The following KPNA7 variants were observed in gnomAD, a reference collection of about 807,000 sequenced individuals.
KPNA7 encodes importin subunit alpha-8.
Under a neutral mutation model 53.7 loss-of-function variants are expected in KPNA7, and 54 were observed. That is an observed-to-expected ratio of 1.01 (90% CI 0.81 to 1.26). The LOEUF (loss-of-function observed/expected upper bound fraction) is 1.26, where lower values mean the gene tolerates loss of function less well. Ranked by LOEUF, KPNA7 falls within the 50% of genes most tolerant of loss-of-function variation. KPNA7 has a pLI of 0.00. For missense variants in KPNA7, 640 were observed against 644.5 expected (o/e 0.99, Z 0.07); for synonymous variants, 276 against 259.3 (o/e 1.06, Z -0.62).
At chr7:99,173,199 A>C (rs1001403093), downstream of KPNA7, among the ~76,000 whole-genome samples, 1 of 149,672 alleles carries the variant, frequency 6.7e-6, no homozygotes, top group African/African-American at 2.5e-5. Flanking sequence ...ATTTTTTATT[A>C]TTTTTTTTGA....
downstream of KPNA7, chr7:99,173,526 G>T (rs766445313): frequency 7.5e-6 from 4 of 532,938 alleles, no homozygotes; most frequent in East Asian, 1.3e-4. Flanking sequence ...AATTCCACAT[G>T]GTTTTAAGAT....
At chr7:99,190,954 T>C in intron 6 of KPNA7, among the ~76,000 whole-genome samples, 1 of 152,060 alleles carries the variant, frequency 6.6e-6, no homozygotes, top group East Asian at 1.9e-4. Context: ...GCTGCAATGG[T>C]GTCTCCAACT....
the KPNA7 span, among the ~76,000 whole-genome samples, chr7:99,161,880 A>G: frequency 6.6e-6 from 1 of 152,144 alleles, no homozygotes; most frequent in Non-Finnish European, 1.5e-5. Context: ...GAAAAAGAGT[A>G]GAACTGACCC....
intron 10 of KPNA7, among the ~76,000 whole-genome samples, chr7:99,175,501 A>ATTTAT (rs1798866941): frequency 7.4e-6 from 1 of 135,344 alleles, no homozygotes; most frequent in African/African-American, 2.6e-5. Context: ...TTATTTATTT[A>ATTTAT]TTTATTTATT....
At chr7:99,176,426 C>G (rs1798910591) in intron 10 of KPNA7, among the ~76,000 whole-genome samples, 1 of 151,440 alleles carries the variant, frequency 6.6e-6, no homozygotes. Context: ...TAGAAAATAA[C>G]AAGTGTCGGC....
intron 3 of KPNA7, among the ~76,000 whole-genome samples, 156 bp from the exon 4 acceptor site, chr7:99,196,322 C>T (rs184924580): frequency 1.5e-3 from 235 of 152,220 alleles, no homozygotes; most frequent in Non-Finnish European, 1.4e-3. Flanking sequence ...AGAATATAGT[C>T]CACAGATCTC....
At chr7:99,181,785 G>A (rs1799282218) in intron 9 of KPNA7, 98 bp downstream of exon 9, 23 of 1,095,276 alleles carry the variant, frequency 2.1e-5, no homozygotes, top group Non-Finnish European at 2.8e-5. Flanking sequence ...ACCTGTCTCA[G>A]CCTCCCAAAG....
the KPNA7 span, among the ~76,000 whole-genome samples, chr7:99,157,007 C>T: frequency 2.7e-5 from 4 of 148,002 alleles, no homozygotes; most frequent in African/African-American, 7.3e-5. Flanking sequence ...GATTTATCTT[C>T]AAACCTTTCT....
intron 10 of KPNA7, among the ~76,000 whole-genome samples, chr7:99,175,092 T>C (rs12216547): frequency 0.023 from 3,500 of 151,890 alleles, 134 homozygotes; most frequent in African/African-American, 0.081. Flanking sequence ...GGATTACAGG[T>C]GTGAGCCACT....
At chr7:99,218,582 G>A (rs1185929452) in intron 1 of KPNA7, among the ~76,000 whole-genome samples, 1 of 152,182 alleles carries the variant, frequency 6.6e-6, no homozygotes, top group Non-Finnish European at 1.5e-5. Flanking sequence ...TCTGGGCTCT[G>A]CAGAGTAAAC....
chr7:99,210,058 T>A (rs967003271), upstream of KPNA7, among the ~76,000 whole-genome samples: 11 of 151,272 alleles, frequency 7.3e-5, no homozygotes, highest in African/African-American at 2.7e-4. Flanking sequence ...GATCTAACTC[T>A]CCTGCTTAAA....
At chr7:99,185,274 G>A in intron 7 of KPNA7, 112 bp from the exon 8 acceptor site, 2 of 722,356 alleles carry the variant, frequency 2.8e-6, no homozygotes, top group Non-Finnish European at 4.7e-6. Flanking sequence ...GCCGATGGTT[G>A]TCTGACAGCC....
intron 9 of KPNA7, among the ~76,000 whole-genome samples, chr7:99,180,939 G>C (rs1181985405): frequency 5.3e-5 from 1 of 18,712 alleles, no homozygotes; most frequent in African/African-American, 1.9e-4. Context: ...CTCTCTCCCC[G>C]TCTGTGTCTC....
chr7:99,207,695 G>C (rs372251963), intron 1 of KPNA7, among the ~76,000 whole-genome samples: 2 of 140,152 alleles, frequency 1.4e-5, no homozygotes, highest in Admixed American at 1.5e-4. Flanking sequence ...GAGTGCAGTG[G>C]GGGGATATCA....
the KPNA7 span, among the ~76,000 whole-genome samples, chr7:99,149,719 C>T: frequency 5.3e-5 from 8 of 152,180 alleles, no homozygotes; most frequent in Admixed American, 5.2e-4. Flanking sequence ...TCATATTAAC[C>T]TTTAAAATCT....
At chr7:99,184,560 G>A (rs902703929) in intron 8 of KPNA7, among the ~76,000 whole-genome samples, 1 of 152,084 alleles carries the variant, frequency 6.6e-6, no homozygotes, top group Non-Finnish European at 1.5e-5. Flanking sequence ...TATCACCATA[G>A]CATGATATGT....
intron 5 of KPNA7, among the ~76,000 whole-genome samples, chr7:99,194,066 G>T (rs1790100188): frequency 6.6e-6 from 1 of 152,088 alleles, no homozygotes; most frequent in African/African-American, 2.4e-5. Flanking sequence ...TAATCATACT[G>T]TTTCTGCTGA....
At chr7:99,196,457 T>C (rs1193043539) in intron 3 of KPNA7, among the ~76,000 whole-genome samples, 1 of 152,172 alleles carries the variant, frequency 6.6e-6, no homozygotes, top group East Asian at 1.9e-4. Context: ...AATGGCAGAC[T>C]AAGGACATCC....
chr7:99,201,556 G>A (rs559658890), intron 3 of KPNA7, among the ~76,000 whole-genome samples: 6 of 151,588 alleles, frequency 4.0e-5, no homozygotes, highest in East Asian at 2.0e-4. Context: ...CTAGCTACTC[G>A]GGAGGCTGAG....
Sources: gnomAD v4.1 joint callset for allele counts (sites outside exome capture counted in the v4.1 genomes callset) on GRCh38, gnomAD v4.1.1 for gene constraint, MANE v1.5 for transcripts, NCBI Gene and HGNC (gene_info 2026-07-23, HGNC 2026-07-21) for gene names.